The following ADAM32 variants were observed in gnomAD, a reference collection of about 807,000 sequenced individuals.
The protein encoded by ADAM32 is disintegrin and metalloproteinase domain-containing protein 32.
In ADAM32, 89 loss-of-function variants were observed where a neutral mutation model predicts 114.9. The ratio of observed to expected loss-of-function variants is 0.77; its 90% CI spans 0.65 to 0.92. The LOEUF (loss-of-function observed/expected upper bound fraction) is 0.92. Ranked by LOEUF, ADAM32 falls within the 40% of genes least tolerant of loss-of-function variation. ADAM32 has a pLI of 0.00. For missense variants in ADAM32, 870 were observed against 932.8 expected (o/e 0.93, Z 0.88); for synonymous variants, 285 against 307.5 (o/e 0.93, Z 0.77).
Position 39,192,930 on chromosome 8 carries a change from A to T in ADAM32, c.1052+5885A>T, listed in dbSNP as rs149809089. Reference sequence around the variant, plus strand: ...CCTTTGTAGGTGACCTGTCCTTTCTATCTGGCTGCCTTTAACATTTTTTCT... The same window carrying T: ...CCTTTGTAGGTGACCTGTCCTTTCTTTCTGGCTGCCTTTAACATTTTTTCT... On this transcript the variant is annotated intron_variant, in intron 11 of 24. Coordinates refer to ENST00000379907, the MANE Select transcript of ADAM32 (RefSeq NM_145004.7). Among the ~76,000 whole-genome samples, 213 of 152,188 alleles carry T rather than the reference A, an allele frequency of 1.4e-3. 1 individual carries two copies. The highest frequency in any genetic ancestry group is 5.0e-3 in the African/African-American group (207 of 41,540).
At chr8:39,107,580 T>G, upstream of ADAM32, 2 of 1,398,366 alleles carry the variant, frequency 1.4e-6, no homozygotes, top group Non-Finnish European at 1.9e-6. Flanking sequence ...GAGCTGGATG[T>G]TTTAGCCTCG....
intron 11 of ADAM32, among the ~76,000 whole-genome samples, 187 bp downstream of exon 11, chr8:39,187,232 C>A (rs1279365938): frequency 6.6e-6 from 1 of 152,112 alleles, no homozygotes; most frequent in Non-Finnish European, 1.5e-5. Flanking sequence ...GATAACAAAT[C>A]CAATCTGAAA....
intron 6 of ADAM32, chr8:39,158,579 G>T: frequency 2.9e-6 from 1 of 340,900 alleles, no homozygotes; most frequent in South Asian, 2.9e-5. Flanking sequence ...CTGTGAGGTG[G>T]ACCAGTTTAG....
chr8:39,120,783 G>A (rs888304534), intron 2 of ADAM32, among the ~76,000 whole-genome samples: 1 of 130,586 alleles, frequency 7.7e-6, no homozygotes, highest in African/African-American at 2.6e-5. Context: ...AAAAAAAAGT[G>A]TTTCTAGTGA....
At chr8:39,259,338 T>C (rs1196827746) in intron 19 of ADAM32, among the ~76,000 whole-genome samples, 1 of 152,080 alleles carries the variant, frequency 6.6e-6, no homozygotes, top group African/African-American at 2.4e-5. Flanking sequence ...AAGCTGGTAT[T>C]ACAGGCGTGC....
At chr8:39,110,514 G>A (rs1840114466) in intron 1 of ADAM32, among the ~76,000 whole-genome samples, 1 of 152,182 alleles carries the variant, frequency 6.6e-6, no homozygotes. Context: ...CTATGTGCAG[G>A]TTTTTGTGTG....
intron 13 of ADAM32, 132 bp downstream of exon 13, chr8:39,221,834 A>C: frequency 3.2e-6 from 2 of 633,670 alleles, no homozygotes; most frequent in South Asian, 6.5e-5. Context: ...TAATAAATTC[A>C]GAATCAGATT....
At chr8:39,166,493 A>G (rs1804848244) in intron 9 of ADAM32, 1 of 152,220 alleles carries the variant, frequency 6.6e-6, no homozygotes, top group Non-Finnish European at 1.5e-5. Flanking sequence ...GTGCTGCTAT[A>G]AACATGCGTG....
intron 14 of ADAM32, among the ~76,000 whole-genome samples, chr8:39,226,706 T>C (rs1469268492): frequency 2.0e-5 from 3 of 152,100 alleles, no homozygotes; most frequent in Non-Finnish European, 2.9e-5. Context: ...GATAAAACTT[T>C]CTAAGACAAA....
chr8:39,213,350 T>C (rs181261814), intron 12 of ADAM32, among the ~76,000 whole-genome samples: 6 of 152,244 alleles, frequency 3.9e-5, no homozygotes, highest in Non-Finnish European at 7.4e-5. Context: ...AATTCTTCCC[T>C]TCTAGCTATT....
intron 14 of ADAM32, 67 bp from the exon 15 acceptor site, chr8:39,231,960 T>A (rs190565051): frequency 1.6e-6 from 2 of 1,236,100 alleles, no homozygotes; most frequent in East Asian, 4.7e-5. Flanking sequence ...GAATATTATA[T>A]GAAGAAATGG....
At chr8:39,210,741 CTTTT>C (rs763076753) in intron 11 of ADAM32, among the ~76,000 whole-genome samples, 2 of 152,098 alleles carry the variant, frequency 1.3e-5, no homozygotes, top group Non-Finnish European at 2.9e-5. Context: ...TAAATATACA[CTTTT>C]TTTCTGAGAT....
chr8:39,229,994 C>T (rs1809635595), intron 14 of ADAM32, among the ~76,000 whole-genome samples: 1 of 152,184 alleles, frequency 6.6e-6, no homozygotes, highest in African/African-American at 2.4e-5. Context: ...ATGTCAAGCA[C>T]TCTCTCAGAC....
At chr8:39,135,514 C>T (rs1337513350) in intron 2 of ADAM32, among the ~76,000 whole-genome samples, 4 of 152,118 alleles carry the variant, frequency 2.6e-5, no homozygotes, top group East Asian at 3.8e-4. Flanking sequence ...CACATGAATA[C>T]ATTATATTTA....
intron 10 of ADAM32, among the ~76,000 whole-genome samples, chr8:39,179,444 T>C (rs1039664605): frequency 6.6e-6 from 1 of 152,190 alleles, no homozygotes; most frequent in African/African-American, 2.4e-5. Context: ...CAGGAATGCA[T>C]GAATGGATCT....
chr8:39,263,187 T>G (rs1340023638), intron 19 of ADAM32, among the ~76,000 whole-genome samples: 1 of 152,218 alleles, frequency 6.6e-6, no homozygotes, highest in African/African-American at 2.4e-5. Flanking sequence ...TTTTTTTGCT[T>G]TATGTTCAAT....
intron 2 of ADAM32, among the ~76,000 whole-genome samples, chr8:39,133,446 C>T (rs7839715): frequency 0.99 from 151,353 of 152,388 alleles, 75,166 homozygotes; most frequent in Middle Eastern, 1. Context: ...GGGACTGTGG[C>T]GAGGCTTTAC....
intron 2 of ADAM32, among the ~76,000 whole-genome samples, chr8:39,124,150 T>C (rs1410142057): frequency 6.6e-6 from 1 of 152,074 alleles, no homozygotes; most frequent in Non-Finnish European, 1.5e-5. Flanking sequence ...TCAGCATCCG[T>C]TAGCTATACT....
chr8:39,160,912 C>G lies in ADAM32; in HGVS notation c.541C>G (p.Pro181Ala), dbSNP rs1804471290. 3.1e-6 allele frequency: 5 copies of G among 1,597,268 alleles called. No homozygotes were observed. In the South Asian group the frequency reaches 4.6e-5, roughly 15 times the overall value. Reference sequence around the variant, plus strand: ...TTTTTTCTAGTCAGAACCAGCTGTTCCAGATTTATTTCCTCTTTATCTAGA... The same window carrying G: ...TTTTTTCTAGTCAGAACCAGCTGTTGCAGATTTATTTCCTCTTTATCTAGA... Reference protein sequence around the residue: ...FISEKSEPAVPDLFPLYLEMH... With the variant: ...FISEKSEPAVADLFPLYLEMH... The change falls in exon 7 of 25, where the codon CCA becomes GCA. Residue 181 changes from proline to alanine, a missense_variant. Transcript: ENST00000379907.
Sources: gnomAD v4.1 joint callset for allele counts (sites outside exome capture counted in the v4.1 genomes callset) on GRCh38, gnomAD v4.1.1 for gene constraint, MANE v1.5 for transcripts, NCBI Gene and HGNC (gene_info 2026-07-23, HGNC 2026-07-21) for gene names.